Variants in PTPRS observed in about 807,000 individuals in gnomAD.
The protein encoded by PTPRS is receptor-type tyrosine-protein phosphatase S.
In PTPRS, 63 loss-of-function variants were observed where a neutral mutation model predicts 215.3. That is an observed-to-expected ratio of 0.29 (90% CI 0.24 to 0.36). The LOEUF (loss-of-function observed/expected upper bound fraction) is 0.36, where lower values mean the gene tolerates loss of function less well. Among genes scored for constraint, PTPRS ranks in the 10% least tolerant of loss-of-function variants. The pLI is 1.00. For missense variants in PTPRS, 2,258 were observed against 2,825.8 expected (o/e 0.80, Z 4.56); for synonymous variants, 1,404 against 1,191.4 (o/e 1.18, Z -3.68).
In PTPRS at chr19:5,218,789, G is replaced by A. The variant is rs755908972; in HGVS notation, c.3933C>T (p.Asp1311=). The A allele has an allele frequency of 1.1e-5, 18 of 1,607,470 alleles. No individual in the cohort carries two copies. The South Asian group carries it at 1.8e-4, about 16-fold the overall frequency. Reference sequence around the variant, plus strand: ...CACGGGGGAGGGCTGGTTCTTACCTGTCGGGTTTGCTGTTCCCGAAAGCAG... The same window carrying A: ...CACGGGGGAGGGCTGGTTCTTACCTATCGGGTTTGCTGTTCCCGAAAGCAG... ...IAILLYKNKP[D]SKRKDSEPRT... Residue 1311 remains aspartate, a splice_region_variant and synonymous_variant, in exon 24 of 38, where the codon GAC becomes GAT. Transcript: ENST00000262963.
At chr19:5,238,427 G>A (rs1182564487) in intron 13 of PTPRS, among the ~76,000 whole-genome samples, 4 of 152,280 alleles carry the variant, frequency 2.6e-5, no homozygotes, top group Non-Finnish European at 5.9e-5. Context: ...TGAGAGCCAA[G>A]GCTCCCTGCC....
intron 17 of PTPRS, 95 bp from the exon 18 acceptor site, chr19:5,223,392 A>C: frequency 5.4e-6 from 7 of 1,306,762 alleles, no homozygotes; most frequent in Non-Finnish European, 6.9e-6. Flanking sequence ...TTCCTTCAAT[A>C]TAACATTTTT....
At position 5,244,457 on chromosome 19, in the gene PTPRS, G is replaced by T. The variant is rs2044298718; in HGVS notation, c.1014C>A (p.Pro338=). The T allele has an allele frequency of 6.2e-7, 1 of 1,613,838 alleles. No individual in the cohort carries two copies. Among genetic ancestry groups the T allele is most frequent in the Admixed American group, 1.7e-5 (1 of 60,006 alleles). The part of the protein sequence containing the change: ...VKSLPKAPGT[P]MVTENTATSI... ...TGGTGGCTGTGTTCTCAGTCACCAT[G>T]GGAGTCCCGGGAGCTTTGGGGAGAG... Residue 338 remains proline (P), a synonymous_variant, in exon 11 of 38, where the codon CCC becomes CCA. Coordinates refer to ENST00000262963, the MANE Select transcript of PTPRS (RefSeq NM_002850.4). This position sits in a 1 kb window ranked among gnomAD's most constrained non-coding sequence, Gnocchi z 7.2.
intron 1 of PTPRS, among the ~76,000 whole-genome samples, chr19:5,322,879 C>CAAAAAAAA (rs60988670): frequency 3.0e-5 from 2 of 65,928 alleles, no homozygotes; most frequent in African/African-American, 1.0e-4. Context: ...AACTCCGTCT[C>CAAAAAAAA]AAAAAAAAAA....
chr19:5,259,255 C>A (rs1432586848), intron 7 of PTPRS, among the ~76,000 whole-genome samples: 1 of 152,162 alleles, frequency 6.6e-6, no homozygotes, highest in Non-Finnish European at 1.5e-5. Flanking sequence ...GGACTGATTT[C>A]CCCTCAATAC....
At chr19:5,284,394 A>G (rs544318405) in intron 2 of PTPRS, among the ~76,000 whole-genome samples, 278 of 139,252 alleles carry the variant, frequency 2.0e-3, no homozygotes, top group Middle Eastern at 3.9e-3. Context: ...TAAATAAATA[A>G]ATAAATAAAT....
intron 9 of PTPRS, among the ~76,000 whole-genome samples, chr19:5,253,078 T>G (rs1248151099): frequency 6.6e-6 from 1 of 152,062 alleles, no homozygotes; most frequent in African/African-American, 2.4e-5. Flanking sequence ...GCTTAGAGTT[T>G]TAAAGAACCA....
intron 6 of PTPRS, 69 bp downstream of exon 6, chr19:5,262,895 A>C: frequency 6.8e-7 from 1 of 1,471,510 alleles, no homozygotes; most frequent in Non-Finnish European, 9.4e-7. Context: ...TGGTGAGGAG[A>C]AGGGGAGCAG....
intron 1 of PTPRS, among the ~76,000 whole-genome samples, chr19:5,289,148 A>G (rs1055735974): frequency 6.6e-6 from 1 of 152,150 alleles, no homozygotes; most frequent in African/African-American, 2.4e-5. Context: ...AGAACCTCCC[A>G]TGATGGGGAT....
chr19:5,311,551 G>A (rs2049702719), intron 1 of PTPRS, among the ~76,000 whole-genome samples: 1 of 152,126 alleles, frequency 6.6e-6, no homozygotes, highest in Admixed American at 6.5e-5. Flanking sequence ...GAAAATTTTA[G>A]ACCTGAAACC....
intron 13 of PTPRS, among the ~76,000 whole-genome samples, chr19:5,236,973 T>C (rs1230684295): frequency 6.6e-6 from 1 of 151,902 alleles, no homozygotes; most frequent in African/African-American, 2.4e-5. Context: ...GTGATGATGA[T>C]GAGAAAAACT....
Position 5,245,793 on chromosome 19 carries a change from G to A in PTPRS, c.971C>T (p.Ala324Val). 1 of 1,605,718 alleles carries A rather than the reference G, an allele frequency of 6.2e-7. No homozygotes were observed. Among genetic ancestry groups the A allele is most frequent in the Non-Finnish European group, 8.5e-7 (1 of 1,175,812 alleles). ...CTGCTCACATTTCACCGTGATCTGA[G>A]CAACCGCCTCAATGACGCCCAGGCT... ...MSSLGVIEAV[A>V]QITVKSLPKA... The change falls in exon 10 of 38, where the codon GCT becomes GTT. Residue 324 changes from alanine (A) to valine (V), a missense_variant. Physicochemically the swap from Ala to Val is moderately conservative, Grantham distance 64 (BLOSUM62 0). Transcript: ENST00000262963.
At chr19:5,329,547 C>A (rs1053479802) in intron 1 of PTPRS, among the ~76,000 whole-genome samples, 2 of 151,842 alleles carry the variant, frequency 1.3e-5, no homozygotes, top group African/African-American at 4.8e-5. Context: ...GGGCAGATCA[C>A]GAGGTCAGGA....
intron 1 of PTPRS, among the ~76,000 whole-genome samples, chr19:5,325,400 A>G (rs2050141813): frequency 6.6e-6 from 1 of 152,250 alleles, no homozygotes; most frequent in African/African-American, 2.4e-5. Context: ...ATATGATGGG[A>G]TATTGGGAGA....
chr19:5,337,763 C>A (rs1483478568), intron 1 of PTPRS, among the ~76,000 whole-genome samples: 1 of 152,192 alleles, frequency 6.6e-6, no homozygotes, highest in Non-Finnish European at 1.5e-5. Context: ...ATCCACGAAG[C>A]TTCCCCCTGT....
rs1405757941 is a variant in PTPRS, at chr19:5,219,944, C to T, written c.3760G>A (p.Glu1254Lys). 19 of 1,613,474 alleles carry T rather than the reference C, an allele frequency of 1.2e-5. No individual in the cohort carries two copies. Among genetic ancestry groups the T allele is most frequent in the East Asian group, 4.5e-5 (2 of 44,878 alleles). ...GGACACCATTCAGGACTTACAGGCT[C>T]GCTCTTCTGAAGCACGGCAAGCACG... Reference protein sequence around the residue: ...LFVLAVLQKSEPTFAASPFSD... With the variant: ...LFVLAVLQKSKPTFAASPFSD... Residue 1254 changes from glutamate to lysine, a missense_variant, in exon 22 of 38, where the codon GAG (glutamate) becomes AAG (lysine). By Grantham distance (56) the Glu-to-Lys change is moderately conservative. This residue lies in a region of PTPRS where 927 missense variants were observed against 1,125.9 expected (regional missense o/e 0.82). Transcript: ENST00000262963.
chr19:5,222,237 C>T lies in PTPRS; in HGVS notation c.3104-17G>A, dbSNP rs1322494390. The T allele has an allele frequency of 1.9e-5, 31 of 1,603,932 alleles. No homozygotes were observed. The highest frequency in any genetic ancestry group is 2.6e-5 in the Non-Finnish European group (30 of 1,171,710). Reference sequence around the variant, plus strand: ...TGGGCGAGACTGCCGGGGAGGCGGCCGAGCAGGGAGAGAGCAGAAGAGAGG... The same window carrying T: ...TGGGCGAGACTGCCGGGGAGGCGGCTGAGCAGGGAGAGAGCAGAAGAGAGG... On this transcript the variant is annotated splice_polypyrimidine_tract_variant and intron_variant, in intron 18 of 37. Transcript: ENST00000262963.
In PTPRS at chr19:5,329,189, G is replaced by C. The variant is rs1175676542; in HGVS notation, c.-95+11475C>G. ...GACAAAGGCCTGGAGGTGGAAACAG[G>C]AGAAGGATAGGTCTACATGGAGTGG... On this transcript the variant is annotated intron_variant, in intron 1 of 37. Coordinates refer to ENST00000262963, the MANE Select transcript of PTPRS (RefSeq NM_002850.4). Among the ~76,000 whole-genome samples the C allele has an allele frequency of 2.0e-5, 3 of 152,294 alleles. No individual in the cohort carries two copies. The East Asian group carries it at 5.8e-4, about 29-fold the overall frequency.
chr19:5,314,777 G>C lies in PTPRS; in HGVS notation c.-95+25887C>G, dbSNP rs79472845. Among the ~76,000 whole-genome samples the C allele has an allele frequency of 2.7e-3, 383 of 143,734 alleles. 3 individuals are homozygous for C. The highest frequency in any genetic ancestry group is 0.01 in the African/African-American group (376 of 36,462). The allele number at this position is 143,734 out of a possible 152,430, so 94.3% of individuals were successfully genotyped here. On this transcript the variant is annotated intron_variant, in intron 1 of 37. Transcript: ENST00000262963. ...GCCTTGTTAGTAGCCAGGGCAGAGAGCTGAAGATTCGAGACATCACAGGTT... is the reference window on the plus strand; with the variant it reads ...GCCTTGTTAGTAGCCAGGGCAGAGACCTGAAGATTCGAGACATCACAGGTT...
Sources: gnomAD v4.1 joint callset for allele counts (sites outside exome capture counted in the v4.1 genomes callset) on GRCh38, gnomAD v4.1.1 for gene constraint, gnomAD v4.1.1 regional missense constraint, Gnocchi (gnomAD v3.1) non-coding constraint, MANE v1.5 for transcripts, NCBI Gene and HGNC (gene_info 2026-07-23, HGNC 2026-07-21) for gene names.